The following CFAP221 variants were observed in gnomAD, a reference collection of about 807,000 sequenced individuals.
CFAP221 encodes the protein cilia and flagella associated protein 221.
Under a neutral mutation model 113.1 loss-of-function variants are expected in CFAP221, and 97 were observed. The observed-to-expected ratio is 0.86, with a 90% CI of 0.73 to 1.02. The LOEUF (loss-of-function observed/expected upper bound fraction) is 1.02, where lower values mean the gene tolerates loss of function less well. CFAP221 is among the 50% of genes least tolerant of loss of function. The pLI, the probability that CFAP221 is intolerant of heterozygous loss-of-function variation, is 0.00. For missense variants in CFAP221, 1,025 were observed against 1,013.4 expected (o/e 1.01, Z -0.16); for synonymous variants, 331 against 354.4 (o/e 0.93, Z 0.74).
intron 15 of CFAP221, among the ~76,000 whole-genome samples, chr2:119,626,968 G>A (rs762182852): frequency 6.6e-6 from 1 of 151,010 alleles, no homozygotes; most frequent in Non-Finnish European, 1.5e-5. Flanking sequence ...ATCCTCTGAT[G>A]CCCAGCTTGG....
intron 7 of CFAP221, among the ~76,000 whole-genome samples, chr2:119,599,262 C>G (rs1045099292): frequency 6.6e-6 from 1 of 152,140 alleles, no homozygotes; most frequent in Non-Finnish European, 1.5e-5. Flanking sequence ...AGCTTGATAC[C>G]TAGTTGGGAG....
Position 119,630,610 on chromosome 2 carries a change from C to T in CFAP221, c.1772C>T (p.Ser591Phe). 3 of 1,613,916 alleles carry T rather than the reference C, an allele frequency of 1.9e-6. No homozygotes were observed. The highest frequency in any genetic ancestry group is 1.1e-5 in the South Asian group (1 of 91,056). Residue 591 changes from serine (S) to phenylalanine (F), a missense_variant, in exon 18 of 24, where the codon TCT (serine) becomes TTT (phenylalanine). Ser to Phe is a radical substitution (Grantham distance 155). Transcript: ENST00000413369. ...AAAATTAAGAGATATCAGCCATTCT[C>T]TGTCCACAAGTCTTCAACAAGTTAC... ...LYKIKRYQPF[S>F]VHKSSTSYRP...
intron 17 of CFAP221, 58 bp downstream of exon 17, chr2:119,630,013 C>A: frequency 1.4e-6 from 2 of 1,429,960 alleles, no homozygotes; most frequent in South Asian, 1.2e-5. Context: ...ACAAAATATT[C>A]TTGAATTTGA....
rs1377101548 is a variant in CFAP221 at position 119,611,712 on chromosome 2, C to T, written c.1281C>T (p.Ser427=). The part of the protein sequence containing the change: ...EEFQRLKTEV[S]HKRVVRNQEE... ...TTCAGCGACTTAAAACAGAAGTTAG[C>T]CATAAACGGGTTGTTCGCAATCAAG... Residue 427 remains serine, a synonymous_variant, in exon 13 of 24, where the codon AGC becomes AGT. Transcript: ENST00000413369. 8 of 1,613,704 alleles carry T rather than the reference C, an allele frequency of 5.0e-6. No individual in the cohort carries two copies. The African/African-American group carries it at 9.3e-5, about 19-fold the overall frequency.
chr2:119,553,342 A>G (rs1333032531), intron 3 of CFAP221, among the ~76,000 whole-genome samples: 1 of 152,172 alleles, frequency 6.6e-6, no homozygotes, highest in African/African-American at 2.4e-5. Context: ...CCTGGATGGT[A>G]GGGCTTTGGA....
rs1687236624 is a variant in CFAP221, at chr2:119,638,257, A to G, written c.1975-2A>G. 6.2e-7 allele frequency: 1 copy of G among 1,614,076 alleles called. No homozygotes were observed. Among genetic ancestry groups the G allele is most frequent in the Non-Finnish European group, 8.5e-7 (1 of 1,179,920 alleles). ...AGAATATTTTTTCCCTGTCTTCGGC[A>G]GAATCCCAACCCAGGATTATTTGCT... On this transcript the variant is annotated splice_acceptor_variant, in intron 19 of 23. Transcript: ENST00000413369. LOFTEE classifies it high-confidence loss of function.
At chr2:119,551,008 A>G (rs527624944) in intron 3 of CFAP221, among the ~76,000 whole-genome samples, 2 of 152,286 alleles carry the variant, frequency 1.3e-5, no homozygotes, top group African/African-American at 4.8e-5. Flanking sequence ...ATACAATACC[A>G]GGTCTCTTGT....
chr2:119,603,578 A>G (rs1183286830), intron 8 of CFAP221, among the ~76,000 whole-genome samples: 1 of 152,246 alleles, frequency 6.6e-6, no homozygotes, highest in Non-Finnish European at 1.5e-5. Context: ...TGTCAGAGTG[A>G]GTGAATGTTC....
At chr2:119,545,176 A>T (rs1679966374) in intron 1 of CFAP221, 1 of 151,604 alleles carries the variant, frequency 6.6e-6, no homozygotes, top group Non-Finnish European at 1.5e-5. Flanking sequence ...TTCTCCAGAA[A>T]AAACAAAACC....
intron 23 of CFAP221, among the ~76,000 whole-genome samples, chr2:119,653,138 T>C (rs1344963965): frequency 6.6e-6 from 1 of 151,938 alleles, no homozygotes; most frequent in Non-Finnish European, 1.5e-5. Context: ...CCCAGCGCTT[T>C]GGGAGGCTGG....
chr2:119,592,504 A>G (rs1683667295), intron 7 of CFAP221, among the ~76,000 whole-genome samples: 1 of 152,110 alleles, frequency 6.6e-6, no homozygotes, highest in Admixed American at 6.5e-5. Flanking sequence ...TAGCATTTAT[A>G]TTCTCTTTTG....
chr2:119,639,793 G>T lies in CFAP221; in HGVS notation c.2146G>T (p.Gly716Ter). ...QFLHHTDIIP[G>*]IMHWKSFQSL... ...ACTTTCCTTACAGGACATTATTCCC[G>T]GAATAATGCACTGGAAAAGCTTCCA... is the stretch of plus-strand genomic sequence containing the variant. The change falls in exon 21 of 24, where the codon GGA becomes TGA. Residue 716 changes from glycine (G) to a stop codon, truncating the protein, a stop_gained. Transcript: ENST00000413369. LOFTEE classifies it high-confidence loss of function. 1 of 1,613,874 alleles carries T rather than the reference G, an allele frequency of 6.2e-7. No individual in the cohort carries two copies. Among genetic ancestry groups the T allele is most frequent in the Non-Finnish European group, 8.5e-7 (1 of 1,179,866 alleles).
At chr2:119,639,955 A>T (rs1687382689) in intron 21 of CFAP221, 83 bp downstream of exon 21, 1 of 1,160,646 alleles carries the variant, frequency 8.6e-7, no homozygotes, top group Non-Finnish European at 1.3e-6. Flanking sequence ...TTAAATGCCA[A>T]TAATATGTCA....
intron 8 of CFAP221, among the ~76,000 whole-genome samples, chr2:119,603,711 A>G (rs1684519368): frequency 6.6e-6 from 1 of 152,240 alleles, no homozygotes; most frequent in Admixed American, 6.5e-5. Flanking sequence ...ATTGGTACTG[A>G]ACAAATAAAT....
chr2:119,609,171 A>C (rs754580083), intron 12 of CFAP221, among the ~76,000 whole-genome samples: 3 of 152,174 alleles, frequency 2.0e-5, no homozygotes, highest in Non-Finnish European at 4.4e-5. Flanking sequence ...CCATGCTTTG[A>C]AGATGGTTGT....
chr2:119,554,527 T>C (rs1318231540), intron 3 of CFAP221, among the ~76,000 whole-genome samples: 1 of 152,214 alleles, frequency 6.6e-6, no homozygotes, highest in African/African-American at 2.4e-5. Context: ...TTACCTTAAA[T>C]AAATGAACAG....
chr2:119,647,644 C>T (rs1687891362), intron 22 of CFAP221, among the ~76,000 whole-genome samples: 2 of 152,144 alleles, frequency 1.3e-5, no homozygotes, highest in South Asian at 4.1e-4. Flanking sequence ...AGCTGGCTCA[C>T]CTGGCATTGC....
intron 3 of CFAP221, among the ~76,000 whole-genome samples, chr2:119,554,816 G>A (rs1328887151): frequency 2.0e-5 from 3 of 152,144 alleles, no homozygotes; most frequent in South Asian, 4.1e-4. Flanking sequence ...AAAATAAAAC[G>A]CTTTAAAGAA....
At chr2:119,594,320 C>G (rs1683803789) in intron 7 of CFAP221, among the ~76,000 whole-genome samples, 1 of 152,034 alleles carries the variant, frequency 6.6e-6, no homozygotes, top group South Asian at 2.1e-4. Context: ...ACTGCAACCT[C>G]TGCCTCCCAG....
Sources: gnomAD v4.1 joint callset for allele counts (sites outside exome capture counted in the v4.1 genomes callset) on GRCh38, gnomAD v4.1.1 for gene constraint, MANE v1.5 for transcripts, NCBI Gene and HGNC (gene_info 2026-07-23, HGNC 2026-07-21) for gene names.